The following INPP5F variants were observed in gnomAD, a reference collection of about 807,000 sequenced individuals.
INPP5F encodes the protein phosphatidylinositide 4-phosphatase SAC2.
In INPP5F, 97 loss-of-function variants were observed where a neutral mutation model predicts 137.2. The ratio of observed to expected loss-of-function variants is 0.71; its 90% confidence interval spans 0.60 to 0.84. The LOEUF (loss-of-function observed/expected upper bound fraction) is 0.84. INPP5F is among the 40% of genes least tolerant of loss of function. The probability of loss-of-function intolerance (pLI) is 0.00; values close to 1 mark genes in which losing one functional copy is unlikely to be tolerated. For missense variants in INPP5F, 1,271 were observed against 1,371.9 expected, an observed-to-expected ratio of 0.93 and a Z score of 1.16; for synonymous variants, 504 against 476.9, an observed-to-expected ratio of 1.06 and a Z score of -0.74.
In INPP5F at chr10:119,827,711, T is replaced by TA; in HGVS notation, c.3332dup (p.Asn1111LysfsTer7). ...AGAGTCCTCCAGAACCTGAAATCAT[T>TA]AATCAAGTCCAGCAAAATGAACTTA... On this transcript the variant is annotated frameshift_variant, in exon 20 of 20. Coordinates refer to ENST00000650623, the MANE Select transcript of INPP5F (RefSeq NM_014937.4). LOFTEE classifies it high-confidence loss of function. The TA allele has an allele frequency of 6.2e-7, 1 of 1,613,718 alleles. No homozygotes were observed. Among genetic ancestry groups the TA allele is most frequent in the Non-Finnish European group, 8.5e-7 (1 of 1,179,656 alleles).
At chr10:119,779,351 A>T (rs1252528366) in intron 2 of INPP5F, among the ~76,000 whole-genome samples, 1 of 152,154 alleles carries the variant, frequency 6.6e-6, no homozygotes, top group African/African-American at 2.4e-5. Flanking sequence ...AGACTTTATA[A>T]ACATCATACA....
rs140540759 is a variant in INPP5F at position 119,814,254 on chromosome 10, G to A, written c.1886+2299G>A. On this transcript the variant is annotated intron_variant, in intron 15 of 19. Coordinates refer to ENST00000650623, the MANE Select transcript of INPP5F (RefSeq NM_014937.4). The stretch of plus-strand genomic sequence containing the variant: ...AAAATAAAATTAGCTGGGCATGGTG[G>A]TGCGTGCCTGTAGTCTCAGCTACTT... Among the ~76,000 whole-genome samples, 17 of 152,214 alleles carry A rather than the reference G, an allele frequency of 1.1e-4. No homozygotes were observed. The East Asian group carries it at 3.3e-3, about 29-fold the overall frequency.
At chr10:119,819,528 T>C (rs17099318) in intron 15 of INPP5F, 110,695 of 1,601,848 alleles carry the variant, frequency 0.069, 6,401 homozygotes, top group South Asian at 0.25. Flanking sequence ...AGCAACAATT[T>C]TCAGAGTGCA....
At chr10:119,729,950 T>C (rs1307998673) in intron 1 of INPP5F, among the ~76,000 whole-genome samples, 1 of 151,998 alleles carries the variant, frequency 6.6e-6, no homozygotes, top group East Asian at 1.9e-4. Flanking sequence ...TTTTTCAGGT[T>C]TTTTTTCTCC....
intron 2 of INPP5F, among the ~76,000 whole-genome samples, chr10:119,753,931 A>G (rs913870319): frequency 6.6e-6 from 1 of 152,194 alleles, no homozygotes; most frequent in Non-Finnish European, 1.5e-5. Context: ...TTATTGGGGC[A>G]GCTGGTCTCT....
intron 2 of INPP5F, among the ~76,000 whole-genome samples, chr10:119,774,326 A>C (rs886463598): frequency 2.0e-5 from 3 of 151,338 alleles, no homozygotes; most frequent in Non-Finnish European, 4.4e-5. Context: ...AATTGCATTA[A>C]ATTTCTATAT....
chr10:119,795,033 C>T (rs1850302259), intron 6 of INPP5F, among the ~76,000 whole-genome samples: 1 of 136,466 alleles, frequency 7.3e-6, no homozygotes, highest in Admixed American at 7.1e-5. Flanking sequence ...GGGGCTGACC[C>T]CCCCACCTCC....
intron 15 of INPP5F, 148 bp downstream of exon 15, chr10:119,812,103 G>A: frequency 3.2e-6 from 2 of 622,762 alleles, no homozygotes; most frequent in Non-Finnish European, 2.8e-6. Flanking sequence ...GAGGCAAGCT[G>A]ACTGAGGCAC....
intron 2 of INPP5F, among the ~76,000 whole-genome samples, chr10:119,764,332 C>T (rs775787687): frequency 1.3e-4 from 20 of 151,824 alleles, no homozygotes; most frequent in South Asian, 8.5e-4. Context: ...TGCTTGCATA[C>T]ACAGGCGTGT....
chr10:119,770,579 A>G (rs551479018), intron 2 of INPP5F, among the ~76,000 whole-genome samples: 3 of 152,112 alleles, frequency 2.0e-5, no homozygotes, highest in African/African-American at 4.8e-5. Flanking sequence ...GTGGTGGTGT[A>G]TTTTGTTTCA....
chr10:119,806,375 G>C lies in INPP5F; in HGVS notation c.1335G>C (p.Gly445=). ...TTTTAAAAAGGGTTGATGAAGCTGG[G>C]GTAATATGTAAGCAGGAAGGGATTT... ...DMKWCWVDEA[G]VICKQEGIFR... Residue 445 remains glycine (G), a synonymous_variant, in exon 12 of 20, where the codon GGG becomes GGC. Transcript: ENST00000650623. 6.3e-7 allele frequency: 1 copy of C among 1,577,034 alleles called. No homozygotes were observed. Among genetic ancestry groups the C allele is most frequent in the South Asian group, 1.2e-5 (1 of 85,772 alleles).
rs553482180 is a variant in INPP5F, at chr10:119,789,913, G to T, written c.316-1604G>T. On this transcript the variant is annotated intron_variant, in intron 3 of 19. Coordinates refer to ENST00000650623, the MANE Select transcript of INPP5F (RefSeq NM_014937.4). The stretch of plus-strand genomic sequence containing the variant: ...CAGTAGGAAGGAGCCAGGTGAAGCC[G>T]TGTGTTGTAGGATGAGGGAGGGACT... Among the ~76,000 whole-genome samples, 4 of 151,900 alleles carry T rather than the reference G, an allele frequency of 2.6e-5. No homozygotes were observed. The South Asian group carries it at 8.4e-4, about 32-fold the overall frequency.
At chr10:119,760,377 CT>C (rs1456199266) in intron 2 of INPP5F, among the ~76,000 whole-genome samples, 4 of 152,152 alleles carry the variant, frequency 2.6e-5, no homozygotes, top group Non-Finnish European at 5.9e-5. Flanking sequence ...GAGCTCGAGG[CT>C]ACAGTGTGCT....
chr10:119,820,172 A>T (rs1851498225), intron 15 of INPP5F, among the ~76,000 whole-genome samples: 1 of 152,194 alleles, frequency 6.6e-6, no homozygotes, highest in Admixed American at 6.5e-5. Context: ...TTTTACAAGG[A>T]TGTACATTTT....
chr10:119,796,067 G>GGGGAGA (rs937651279), intron 6 of INPP5F, among the ~76,000 whole-genome samples: 6 of 149,214 alleles, frequency 4.0e-5, no homozygotes, highest in East Asian at 4.0e-4. Flanking sequence ...GGGAGACCGT[G>GGGGAGA]GGGAGAGGGA....
In INPP5F at chr10:119,805,376, G is replaced by T; in HGVS notation, c.1242-8G>T. The T allele has an allele frequency of 6.2e-7, 1 of 1,607,816 alleles. No individual in the cohort carries two copies. The highest frequency in any genetic ancestry group is 8.5e-7 in the Non-Finnish European group (1 of 1,175,316). On this transcript the variant is annotated splice_region_variant and splice_polypyrimidine_tract_variant and intron_variant, in intron 10 of 19. Transcript: ENST00000650623. The stretch of plus-strand genomic sequence containing the variant: ...AAGATTTTTTCTTTCTTTTGGCATG[G>T]ATTTTAGCCGAGGAATGAAGTTTGA...
chr10:119,791,096 T>C (rs1318529463), intron 3 of INPP5F, among the ~76,000 whole-genome samples: 1 of 152,192 alleles, frequency 6.6e-6, no homozygotes, highest in East Asian at 1.9e-4. Flanking sequence ...ACCAAAACAC[T>C]CAATTAGCAT....
At chr10:119,736,834 A>C (rs912308970) in intron 1 of INPP5F, among the ~76,000 whole-genome samples, 18 of 152,270 alleles carry the variant, frequency 1.2e-4, no homozygotes, top group African/African-American at 4.3e-4. Flanking sequence ...AATGTCTAGA[A>C]ATTTTTAATT....
In INPP5F at chr10:119,785,535, CGAGAGAGAGAGAGAGAGA is replaced by C. The variant is rs59804262; in HGVS notation, c.315+3791_315+3808del. 1.4e-4 allele frequency among the ~76,000 whole-genome samples: 13 copies of C among 93,628 alleles called. No homozygotes were observed. In the East Asian group the frequency reaches 2.5e-3, roughly 18 times the overall value. 61.4% of individuals were successfully genotyped at this position (93,628 alleles called of 152,430 possible). A position where few individuals can be genotyped will look rare whatever the true frequency, so the allele number is the denominator to read the frequency against. On this transcript the variant is annotated intron_variant, in intron 3 of 19. Transcript: ENST00000650623. ...TGATCTCCTGACCTTGTGATCCGCT[CGAGAGAGAGAGAGAGAGA>C]GAGAGAGAGAGAGAGAGAGAGAGAG...
Sources: gnomAD v4.1 joint callset for allele counts (sites outside exome capture counted in the v4.1 genomes callset) on GRCh38, gnomAD v4.1.1 for gene constraint, MANE v1.5 for transcripts, NCBI Gene and HGNC (gene_info 2026-07-23, HGNC 2026-07-21) for gene names.